The following SCAPER variants were observed in gnomAD, a reference collection of about 807,000 sequenced individuals.
SCAPER encodes the protein S-phase cyclin A associated protein in the ER, also known as S phase cyclin A-associated protein in the endoplasmic reticulum.
Under a neutral mutation model 182.2 loss-of-function variants are expected in SCAPER, and 98 were observed. That is an observed-to-expected ratio of 0.54 (90% CI 0.46 to 0.64). SCAPER has a LOEUF of 0.64. Ranked by LOEUF, SCAPER falls within the 30% of genes least tolerant of loss-of-function variation. The pLI is 0.00. For synonymous variants in SCAPER, 605 were observed against 564.6 expected, an observed-to-expected ratio of 1.07 and a Z score of -1.01; for missense variants, 1,432 against 1,690.0, an observed-to-expected ratio of 0.85 and a Z score of 2.68.
intron 25 of SCAPER, among the ~76,000 whole-genome samples, chr15:76,455,929 G>GT (rs1007590804): frequency 3.9e-5 from 6 of 152,064 alleles, no homozygotes; most frequent in Non-Finnish European, 8.8e-5. Context: ...GCCGTGTTTG[G>GT]TTTTCTCTTA....
intron 4 of SCAPER, among the ~76,000 whole-genome samples, chr15:76,851,721 C>A (rs2070772588): frequency 1.3e-5 from 2 of 152,248 alleles, no homozygotes; most frequent in South Asian, 4.1e-4. Context: ...CTGCTACCAA[C>A]CAATACAAAA....
intron 8 of SCAPER, among the ~76,000 whole-genome samples, chr15:76,777,896 T>C (rs962013359): frequency 1.4e-4 from 21 of 152,132 alleles, no homozygotes; most frequent in African/African-American, 4.6e-4. Flanking sequence ...CAAACATAAC[T>C]AGCCTAGACT....
chr15:76,678,717 G>GA (rs11449110), intron 20 of SCAPER, among the ~76,000 whole-genome samples: 123,978 of 151,944 alleles, frequency 0.82, 51,377 homozygotes, highest in Middle Eastern at 0.91. Flanking sequence ...ACAGATAAAA[G>GA]AGGGAAAAAT....
At chr15:76,717,782 C>A (rs765658858) in intron 17 of SCAPER, among the ~76,000 whole-genome samples, 12 of 151,806 alleles carry the variant, frequency 7.9e-5, no homozygotes, top group Non-Finnish European at 1.8e-4. Flanking sequence ...AACATTGGAG[C>A]ACTAAAACTA....
intron 5 of SCAPER, among the ~76,000 whole-genome samples, chr15:76,813,728 A>G (rs2066853267): frequency 6.6e-6 from 1 of 152,228 alleles, no homozygotes; most frequent in African/African-American, 2.4e-5. Context: ...AAAGAATCAA[A>G]TACTTAGGAA....
At chr15:76,671,124 G>A (rs570081918) in intron 20 of SCAPER, among the ~76,000 whole-genome samples, 5 of 150,996 alleles carry the variant, frequency 3.3e-5, no homozygotes, top group East Asian at 4.0e-4. Context: ...GTGGATCGTC[G>A]AGCCCAGGAG....
chr15:76,369,222 G>A (rs1011736282), intron 29 of SCAPER, among the ~76,000 whole-genome samples: 14 of 152,212 alleles, frequency 9.2e-5, no homozygotes, highest in Non-Finnish European at 1.0e-4. Flanking sequence ...CTTTCAGGAT[G>A]CCCTGTCTTA....
chr15:76,735,052 C>T (rs2061162207), intron 15 of SCAPER, among the ~76,000 whole-genome samples: 1 of 151,952 alleles, frequency 6.6e-6, no homozygotes, highest in South Asian at 2.1e-4. Context: ...TCAGATTAAA[C>T]AACTCAACCT....
At chr15:76,686,961 T>C (rs574884511) in intron 20 of SCAPER, among the ~76,000 whole-genome samples, 35 of 152,170 alleles carry the variant, frequency 2.3e-4, no homozygotes, top group African/African-American at 7.9e-4. Context: ...GGTTTGCATA[T>C]TAATACCAGA....
chr15:76,438,788 C>T (rs1324060304), intron 25 of SCAPER, among the ~76,000 whole-genome samples: 1 of 152,124 alleles, frequency 6.6e-6, no homozygotes, highest in Non-Finnish European at 1.5e-5. Flanking sequence ...GTTCAAGCAC[C>T]GAAGCAAATT....
intron 26 of SCAPER, among the ~76,000 whole-genome samples, chr15:76,407,360 ACCG>A (rs1199092276): frequency 1.3e-5 from 2 of 152,208 alleles, no homozygotes; most frequent in Non-Finnish European, 2.9e-5. Flanking sequence ...ATCTTACAGG[ACCG>A]CCATTGTATA....
At chr15:76,716,406 G>T (rs1371999974) in intron 17 of SCAPER, among the ~76,000 whole-genome samples, 1 of 151,978 alleles carries the variant, frequency 6.6e-6, no homozygotes, top group Non-Finnish European at 1.5e-5. Context: ...ACATGAAAAA[G>T]CAAGGAAATA....
At chr15:76,807,080 C>A (rs1410756205) in intron 5 of SCAPER, among the ~76,000 whole-genome samples, 1 of 152,136 alleles carries the variant, frequency 6.6e-6, no homozygotes, top group Non-Finnish European at 1.5e-5. Context: ...CTGGCTAGAA[C>A]CTTTAGTACA....
intron 24 of SCAPER, among the ~76,000 whole-genome samples, chr15:76,485,916 G>A (rs1022836577): frequency 2.0e-5 from 3 of 151,890 alleles, no homozygotes; most frequent in Admixed American, 6.6e-5. Context: ...ATGTAAAACC[G>A]AAAACTATCG....
At chr15:76,861,510 T>C (rs2071861175) in intron 3 of SCAPER, among the ~76,000 whole-genome samples, 1 of 152,192 alleles carries the variant, frequency 6.6e-6, no homozygotes, top group Admixed American at 6.5e-5. Context: ...AAGTGAGGTA[T>C]GCCAACCTCC....
chr15:76,494,718 T>A lies in SCAPER; in HGVS notation c.2954+10141A>T, dbSNP rs146008395. 5.8e-3 allele frequency among the ~76,000 whole-genome samples: 882 copies of A among 152,228 alleles called. 16 individuals carry two copies. The highest frequency in any genetic ancestry group is 0.019 in the African/African-American group (808 of 41,526). On this transcript the variant is annotated intron_variant, in intron 24 of 31. Coordinates refer to ENST00000563290, the MANE Select transcript of SCAPER (RefSeq NM_020843.4). ...GCTTACTCTTAAATAATTTAATTGT[T>A]TTGTTGTGTAGTATAGAATATCTTA...
At chr15:76,685,860 C>G (rs1025646211) in intron 20 of SCAPER, among the ~76,000 whole-genome samples, 3 of 151,884 alleles carry the variant, frequency 2.0e-5, no homozygotes, top group African/African-American at 7.2e-5. Flanking sequence ...TGAAATGTAG[C>G]ATAAAACAGA....
chr15:76,729,817 T>C (rs1467699226), intron 16 of SCAPER, among the ~76,000 whole-genome samples: 1 of 152,148 alleles, frequency 6.6e-6, no homozygotes, highest in Non-Finnish European at 1.5e-5. Context: ...AGCCAGAAGA[T>C]AAATCATGAA....
intron 5 of SCAPER, among the ~76,000 whole-genome samples, chr15:76,820,834 C>T (rs1487606928): frequency 6.6e-6 from 1 of 151,344 alleles, no homozygotes; most frequent in Non-Finnish European, 1.5e-5. Context: ...AGACACTTCA[C>T]CAAAGAAGAT....
Sources: allele counts gnomAD v4.1 joint callset (sites outside exome capture counted in the v4.1 genomes callset), GRCh38; gene constraint gnomAD v4.1.1; transcripts MANE v1.5; gene names NCBI Gene and HGNC (gene_info 2026-07-23, HGNC 2026-07-21).